Variants in TMEM87A observed in about 807,000 individuals in gnomAD.
The protein encoded by TMEM87A is transmembrane protein 87A.
In TMEM87A, 50 loss-of-function variants were observed where a neutral mutation model predicts 90.0. The observed-to-expected ratio is 0.56, with a 90% confidence interval of 0.44 to 0.70. TMEM87A has a LOEUF of 0.70. Ranked by LOEUF, TMEM87A falls within the 30% of genes least tolerant of loss-of-function variation. The pLI is 0.00. For missense variants in TMEM87A, 577 were observed against 660.5 expected, an observed-to-expected ratio of 0.87 and a Z score of 1.39; for synonymous variants, 226 against 226.7, an observed-to-expected ratio of 1.00 and a Z score of 0.03.
chr15:42,228,597 C>T (rs563583793), intron 13 of TMEM87A, 115 bp downstream of exon 13: 2 of 805,126 alleles, frequency 2.5e-6, no homozygotes, highest in East Asian at 2.7e-5. Flanking sequence ...AGCTAAGAAC[C>T]CTTTTCCAAG....
intron 10 of TMEM87A, among the ~76,000 whole-genome samples, chr15:42,234,198 A>T (rs2050735082): frequency 6.6e-6 from 1 of 152,246 alleles, no homozygotes; most frequent in Admixed American, 6.5e-5. Flanking sequence ...TATATTTGCA[A>T]GCTCGAAACC....
intron 10 of TMEM87A, among the ~76,000 whole-genome samples, chr15:42,234,300 CAT>C (rs779412194): frequency 4.6e-5 from 7 of 152,222 alleles, no homozygotes; most frequent in South Asian, 2.1e-4. Flanking sequence ...CCAGAATCCA[CAT>C]GTTAACAAAA....
intron 7 of TMEM87A, 76 bp downstream of exon 7, chr15:42,243,974 T>TA (rs1267303797): frequency 3.5e-6 from 3 of 859,318 alleles, no homozygotes; most frequent in African/African-American, 1.8e-5. Context: ...TAATACCTAA[T>TA]AAAAAAGCAT....
At chr15:42,256,761 C>T (rs947616597) in intron 6 of TMEM87A, among the ~76,000 whole-genome samples, 9 of 152,226 alleles carry the variant, frequency 5.9e-5, no homozygotes, top group South Asian at 2.1e-4. Context: ...ATGGCTCTAT[C>T]GCCTAGAGTG....
chr15:42,219,722 CT>C, intron 16 of TMEM87A, 80 bp from the exon 17 acceptor site: 3 of 1,001,474 alleles, frequency 3.0e-6, no homozygotes, highest in Non-Finnish European at 4.3e-6. Context: ...AGAACTTTTT[CT>C]TTTTTTAAAT....
intron 15 of TMEM87A, among the ~76,000 whole-genome samples, chr15:42,222,830 G>A (rs540603019): frequency 1.3e-5 from 2 of 152,246 alleles, no homozygotes; most frequent in East Asian, 3.9e-4. Flanking sequence ...AAAGTGCTGG[G>A]ATTACAGGCA....
chr15:42,231,327 CAT>C (rs1241064921), intron 11 of TMEM87A, 67 bp from the exon 12 acceptor site: 53 of 1,292,676 alleles, frequency 4.1e-5, no homozygotes, highest in Non-Finnish European at 5.1e-5. Context: ...GAAACCACCA[CAT>C]GATTCTGCAT....
chr15:42,235,410 G>C lies in TMEM87A; in HGVS notation c.968+910C>G, dbSNP rs188790555. On this transcript the variant is annotated intron_variant, in intron 10 of 19. Coordinates refer to ENST00000389834, the MANE Select transcript of TMEM87A (RefSeq NM_015497.5). Reference sequence around the variant, plus strand: ...ATCTCTGCCCCAACCTCTCCCCTTTGTTTCCCCTACTTAGTTATCTAATTC... The same window carrying C: ...ATCTCTGCCCCAACCTCTCCCCTTTCTTTCCCCTACTTAGTTATCTAATTC... Among the ~76,000 whole-genome samples, 3 of 152,026 alleles carry C rather than the reference G, an allele frequency of 2.0e-5. No homozygotes were observed. In the South Asian group the frequency reaches 6.2e-4, roughly 32 times the overall value.
chr15:42,262,162 A>C (rs774099097), intron 4 of TMEM87A: 1 of 152,192 alleles, frequency 6.6e-6, no homozygotes, highest in Non-Finnish European at 1.5e-5. Flanking sequence ...GCACATCTAA[A>C]AGTAGTCAGC....
intron 6 of TMEM87A, among the ~76,000 whole-genome samples, chr15:42,257,051 C>T (rs2051197847): frequency 6.6e-6 from 1 of 152,122 alleles, no homozygotes; most frequent in Non-Finnish European, 1.5e-5. Flanking sequence ...TTTACAAGAA[C>T]AAATTGTTGC....
chr15:42,265,923 G>A (rs2051393555), intron 3 of TMEM87A, among the ~76,000 whole-genome samples: 1 of 152,144 alleles, frequency 6.6e-6, no homozygotes, highest in Non-Finnish European at 1.5e-5. Flanking sequence ...GTTTCAATCT[G>A]CATATGGCCA....
chr15:42,228,676 C>T, intron 13 of TMEM87A, 36 bp downstream of exon 13: 4 of 1,558,946 alleles, frequency 2.6e-6, no homozygotes, highest in Non-Finnish European at 3.5e-6. Flanking sequence ...CTAAACAGAT[C>T]ACATTTGAAC....
At chr15:42,212,322 T>A (rs2050303913) in intron 19 of TMEM87A, among the ~76,000 whole-genome samples, 2 of 152,216 alleles carry the variant, frequency 1.3e-5, no homozygotes, top group Non-Finnish European at 2.9e-5. Context: ...TAGAGTTAAT[T>A]TTCATTTTTC....
chr15:42,264,683 G>GTATATATA (rs1555409716), intron 3 of TMEM87A, among the ~76,000 whole-genome samples: 1,574 of 116,344 alleles, frequency 0.014, 57 homozygotes, highest in African/African-American at 0.045. Flanking sequence ...ATATGTGTGT[G>GTATATATA]TATATATATA....
Position 42,273,247 on chromosome 15 carries a change from A to C in TMEM87A, c.144+8T>G, listed in dbSNP as rs1337676526. 9.9e-6 allele frequency: 16 copies of C among 1,613,958 alleles called. No homozygotes were observed. The African/African-American group carries it at 1.3e-4, about 13-fold the overall frequency. ...CTAGGTTCAGACGTTAGTGAAGTGAATACTCACCGACGGTATCGGAATGTG... is the reference window on the plus strand; with the variant it reads ...CTAGGTTCAGACGTTAGTGAAGTGACTACTCACCGACGGTATCGGAATGTG... On this transcript the variant is annotated splice_region_variant and intron_variant, in intron 1 of 19. Coordinates refer to ENST00000389834, the MANE Select transcript of TMEM87A (RefSeq NM_015497.5).
At chr15:42,217,588 GA>G (rs894252698) in intron 19 of TMEM87A, among the ~76,000 whole-genome samples, 1 of 152,140 alleles carries the variant, frequency 6.6e-6, no homozygotes, top group Non-Finnish European at 1.5e-5. Flanking sequence ...ATATAACTTT[GA>G]AAGGTGAAAC....
chr15:42,257,855 T>G (rs975503590), intron 6 of TMEM87A: 1 of 960,116 alleles, frequency 1.0e-6, no homozygotes, highest in Non-Finnish European at 1.2e-6. Flanking sequence ...AAAGAAAAAA[T>G]TATACAATGG....
chr15:42,269,455 T>C (rs371520691), intron 2 of TMEM87A, among the ~76,000 whole-genome samples: 27 of 152,220 alleles, frequency 1.8e-4, no homozygotes, highest in South Asian at 6.2e-4. Context: ...TTGGATAGAA[T>C]TTATGGAAAT....
At position 42,233,227 on chromosome 15, in the gene TMEM87A, G is replaced by C; in HGVS notation, c.1048C>G (p.Leu350Val). The change falls in exon 11 of 20, where the codon CTC becomes GTC. Residue 350 changes from leucine to valine, a missense_variant. Transcript: ENST00000389834. ...YLLFSGMEGV[L>V]RVTGAQTDLA... ...GCAGTACTAACCCCAGTAACTCTGAGGACCCCTTCCATGCCAGAGAACAAA... is the reference window on the plus strand; with the variant it reads ...GCAGTACTAACCCCAGTAACTCTGACGACCCCTTCCATGCCAGAGAACAAA... 1 of 1,613,706 alleles carries C rather than the reference G, an allele frequency of 6.2e-7. No individual in the cohort carries two copies. The highest frequency in any genetic ancestry group is 8.5e-7 in the Non-Finnish European group (1 of 1,179,754).
Sources: gnomAD v4.1 joint callset for allele counts (sites outside exome capture counted in the v4.1 genomes callset) on GRCh38, gnomAD v4.1.1 for gene constraint, MANE v1.5 for transcripts, NCBI Gene and HGNC (gene_info 2026-07-23, HGNC 2026-07-21) for gene names.